Variants in MEIS1 observed in about 807,000 individuals in gnomAD.
MEIS1 encodes Meis homeobox 1, also known as homeobox protein Meis1.
A neutral mutation model predicts 50.8 loss-of-function variants in MEIS1; 5 were observed. The ratio of observed to expected loss-of-function variants is 0.10; its 90% CI spans 0.05 to 0.21. The LOEUF is 0.21. Among genes scored for constraint, MEIS1 ranks in the 10% least tolerant of loss-of-function variants. MEIS1 has a pLI of 1.00. For missense variants in MEIS1, 318 were observed against 517.3 expected (o/e 0.61, Z 3.74); for synonymous variants, 176 against 179.3 (o/e 0.98, Z 0.15).
chr2:66,568,533 G>T, intron 10 of MEIS1, 134 bp from the exon 11 acceptor site: 1 of 410,166 alleles, frequency 2.4e-6, no homozygotes. Context: ...ATTTCACTTT[G>T]AATGTTTAAA....
intron 7 of MEIS1, among the ~76,000 whole-genome samples, chr2:66,485,039 AT>A (rs991833688): frequency 6.6e-6 from 1 of 151,800 alleles, no homozygotes; most frequent in Admixed American, 6.6e-5. Flanking sequence ...GTGTGAGATG[AT>A]TTTTTTGTTG....
chr2:66,496,678 C>G (rs1276050372), intron 7 of MEIS1, among the ~76,000 whole-genome samples: 1 of 152,200 alleles, frequency 6.6e-6, no homozygotes, highest in Non-Finnish European at 1.5e-5. Context: ...GGGCTTCTCT[C>G]AGGCCATGCC....
chr2:66,435,796 T>C lies in MEIS1; in HGVS notation c.-61T>C, dbSNP rs539461866. On this transcript the variant is annotated 5_prime_UTR_variant, in exon 1 of 13. Coordinates refer to ENST00000272369, the MANE Select transcript of MEIS1 (RefSeq NM_002398.3). Reference sequence around the variant, plus strand: ...GGGGAGTTTGAATATTTGTTTCTTTTCACACTGGCCTTAAAGAGGATATAT... The same window carrying C: ...GGGGAGTTTGAATATTTGTTTCTTTCCACACTGGCCTTAAAGAGGATATAT... The C allele has an allele frequency of 5.8e-5, 70 of 1,210,868 alleles. No homozygotes were observed. In the African/African-American group the frequency reaches 1.1e-3, roughly 19 times the overall value. The allele number at this position is 1,210,868 out of a possible 1,614,324, so 75.0% of individuals were successfully genotyped here.
intron 7 of MEIS1, among the ~76,000 whole-genome samples, chr2:66,511,028 A>G (rs956229401): frequency 4.0e-5 from 6 of 151,728 alleles, no homozygotes; most frequent in Non-Finnish European, 8.8e-5. Context: ...TTTTTACCTC[A>G]TTTCTAAGCC....
intron 6 of MEIS1, among the ~76,000 whole-genome samples, chr2:66,452,746 T>A (rs1216923360): frequency 6.6e-6 from 1 of 151,990 alleles, no homozygotes. Context: ...TGAAGAATGT[T>A]GTTCATAAAG....
At chr2:66,538,115 A>G (rs1214864326) in intron 8 of MEIS1, among the ~76,000 whole-genome samples, 1 of 152,202 alleles carries the variant, frequency 6.6e-6, no homozygotes, top group Non-Finnish European at 1.5e-5. Context: ...ATTTTGTCAC[A>G]AATAAACCCA....
chr2:66,522,230 G>T (rs1364433256), intron 8 of MEIS1, among the ~76,000 whole-genome samples: 1 of 152,144 alleles, frequency 6.6e-6, no homozygotes, highest in South Asian at 2.1e-4. Context: ...TACAAATACA[G>T]GTTCTTATGT....
chr2:66,465,900 A>G (rs1002919293), intron 7 of MEIS1, among the ~76,000 whole-genome samples: 6 of 152,194 alleles, frequency 3.9e-5, no homozygotes, highest in Non-Finnish European at 8.8e-5. Flanking sequence ...TTCCTTCAAC[A>G]AGTGTTCTCC....
At chr2:66,451,026 T>G (rs1672265521) in intron 6 of MEIS1, among the ~76,000 whole-genome samples, 1 of 152,136 alleles carries the variant, frequency 6.6e-6, no homozygotes, top group African/African-American at 2.4e-5. Context: ...ATTACCCATA[T>G]GTGGGTTTGT....
chr2:66,444,634 C>T (rs1672083081), intron 6 of MEIS1, among the ~76,000 whole-genome samples: 1 of 152,208 alleles, frequency 6.6e-6, no homozygotes, highest in Admixed American at 6.5e-5. Context: ...AGTGGGAAAA[C>T]TGCAGGCGGC....
chr2:66,439,067 TCTTC>T (rs1215860557), intron 2 of MEIS1: 1 of 28,732 alleles, frequency 3.5e-5, no homozygotes, highest in East Asian at 4.5e-4. Context: ...TTTCTTTCTT[TCTTC>T]TTCTTCTTCT....
At chr2:66,441,715 A>C (rs1671988636) in intron 5 of MEIS1, 2 of 467,240 alleles carry the variant, frequency 4.3e-6, no homozygotes, top group African/African-American at 2.1e-5. Context: ...GCTTTGTGTA[A>C]ATAGTTGCAA....
intron 9 of MEIS1, among the ~76,000 whole-genome samples, chr2:66,563,117 G>C (rs1429127073): frequency 6.6e-6 from 1 of 152,094 alleles, no homozygotes; most frequent in Admixed American, 6.6e-5. Context: ...AGTTTTAAGG[G>C]CTATGTAATA....
In MEIS1 at chr2:66,437,951, A is replaced by G. The variant is rs35067867; in HGVS notation, c.227A>G (p.Asp76Gly). The G allele has an allele frequency of 5.1e-6, 8 of 1,572,632 alleles. No homozygotes were observed. The highest frequency in any genetic ancestry group is 2.7e-5 in the African/African-American group (2 of 74,004). ...AATGACGCTTTAAAGAGAGATAAAG[A>G]TGCCATTTATGGGTAGGTACAATGG... ...SVNDALKRDK[D>G]AIYGHPLFPL... Residue 76 changes from aspartate (D) to glycine (G), a missense_variant, in exon 2 of 13, where the codon GAT becomes GGT. Physicochemically the swap from Asp to Gly is moderately conservative, Grantham distance 94. Coordinates refer to ENST00000272369, the MANE Select transcript of MEIS1 (RefSeq NM_002398.3).
At chr2:66,555,965 G>C (rs760485975) in intron 9 of MEIS1, among the ~76,000 whole-genome samples, 5 of 152,130 alleles carry the variant, frequency 3.3e-5, no homozygotes, top group Non-Finnish European at 7.4e-5. Context: ...CATTGCTCCA[G>C]TGTGTGCACG....
intron 7 of MEIS1, among the ~76,000 whole-genome samples, chr2:66,480,405 T>G (rs1000246724): frequency 1.3e-5 from 2 of 152,174 alleles, no homozygotes; most frequent in Non-Finnish European, 2.9e-5. Context: ...TTGGGACAAT[T>G]TGAGATGGCA....
At chr2:66,552,294 C>T (rs889747900) in intron 9 of MEIS1, among the ~76,000 whole-genome samples, 5 of 152,148 alleles carry the variant, frequency 3.3e-5, no homozygotes, top group Admixed American at 2.6e-4. Context: ...ATACATTTTA[C>T]AGTTTCTTTG....
chr2:66,515,047 A>G (rs1673931063), intron 8 of MEIS1, among the ~76,000 whole-genome samples: 1 of 152,186 alleles, frequency 6.6e-6, no homozygotes, highest in African/African-American at 2.4e-5. Context: ...TCAGGGATGC[A>G]CAATTCATTA....
At chr2:66,508,222 A>T (rs1404192740) in intron 7 of MEIS1, among the ~76,000 whole-genome samples, 2 of 152,094 alleles carry the variant, frequency 1.3e-5, no homozygotes, top group African/African-American at 4.8e-5. Context: ...TGCTCCTTGA[A>T]ATCTGACAGG....
Sources: gnomAD v4.1 joint callset for allele counts (sites outside exome capture counted in the v4.1 genomes callset) on GRCh38, gnomAD v4.1.1 for gene constraint, MANE v1.5 for transcripts, NCBI Gene and HGNC (gene_info 2026-07-23, HGNC 2026-07-21) for gene names.